Variants in EPHA6 observed in about 807,000 individuals in gnomAD.
EPHA6 encodes ephrin type-A receptor 6.
Under a neutral mutation model 112.0 loss-of-function variants are expected in EPHA6, and 50 were observed. The ratio of observed to expected loss-of-function variants is 0.45; its 90% CI spans 0.36 to 0.56. EPHA6 has a LOEUF of 0.56. Ranked by LOEUF, EPHA6 falls within the 20% of genes least tolerant of loss-of-function variation. The pLI, the probability that EPHA6 is intolerant of heterozygous loss-of-function variation, is 0.00. For missense variants in EPHA6, 1,280 were observed against 1,417.4 expected (o/e 0.90, Z 1.56); for synonymous variants, 529 against 490.7 (o/e 1.08, Z -1.03).
chr3:97,371,288 G>C (rs1017099754), intron 5 of EPHA6, among the ~76,000 whole-genome samples: 1 of 152,094 alleles, frequency 6.6e-6, no homozygotes, highest in Non-Finnish European at 1.5e-5. Context: ...GGGGTGTTAC[G>C]GGAAGTCAGG....
intron 12 of EPHA6, among the ~76,000 whole-genome samples, chr3:97,595,331 G>A (rs900974227): frequency 6.6e-6 from 1 of 152,168 alleles, no homozygotes; most frequent in African/African-American, 2.4e-5. Flanking sequence ...CATTTGTGTA[G>A]TAGTCACCGA....
At chr3:97,183,871 C>A (rs1338782736) in intron 3 of EPHA6, among the ~76,000 whole-genome samples, 1 of 152,018 alleles carries the variant, frequency 6.6e-6, no homozygotes, top group Non-Finnish European at 1.5e-5. Context: ...GCTGATATGC[C>A]TTTTACAGCA....
intron 3 of EPHA6, among the ~76,000 whole-genome samples, chr3:97,069,795 G>A (rs929935944): frequency 1.1e-4 from 17 of 152,050 alleles, no homozygotes; most frequent in African/African-American, 3.6e-4. Flanking sequence ...AACATTTAAA[G>A]CAGTTACTAA....
At chr3:97,665,931 C>A (rs1363650018) in intron 14 of EPHA6, among the ~76,000 whole-genome samples, 1 of 152,074 alleles carries the variant, frequency 6.6e-6, no homozygotes, top group Non-Finnish European at 1.5e-5. Flanking sequence ...AGAGTGTGTG[C>A]CTGTAATCCC....
rs553328252 is a variant in EPHA6 at position 97,505,994 on chromosome 3, A to G, written c.2200+21935A>G. ...GCCACATAAATGTCTTCTTTTGAGA[A>G]GTGTCTGTTCATATCCTTTGCCCAC... On this transcript the variant is annotated intron_variant, in intron 10 of 17. Transcript: ENST00000389672. Among the ~76,000 whole-genome samples, 44 of 152,076 alleles carry G rather than the reference A, an allele frequency of 2.9e-4. No homozygotes were observed. In the South Asian group the frequency reaches 8.9e-3, roughly 31 times the overall value.
At chr3:97,295,903 C>T (rs1267034813) in intron 5 of EPHA6, among the ~76,000 whole-genome samples, 1 of 152,116 alleles carries the variant, frequency 6.6e-6, no homozygotes, top group African/African-American at 2.4e-5. Context: ...GTTCAGGCCC[C>T]AGTGGTGGCA....
chr3:97,536,433 A>G (rs1276244417), intron 11 of EPHA6, among the ~76,000 whole-genome samples: 1 of 152,206 alleles, frequency 6.6e-6, no homozygotes, highest in East Asian at 1.9e-4. Flanking sequence ...TCTAAAATAA[A>G]TCCTAAATCC....
chr3:97,150,823 A>G (rs996861740), intron 3 of EPHA6, among the ~76,000 whole-genome samples: 5 of 151,926 alleles, frequency 3.3e-5, no homozygotes, highest in African/African-American at 1.2e-4. Flanking sequence ...AATCTCTTTA[A>G]TTCTTCATAA....
intron 3 of EPHA6, among the ~76,000 whole-genome samples, chr3:97,125,577 C>T (rs1212427444): frequency 6.6e-6 from 1 of 152,006 alleles, no homozygotes; most frequent in African/African-American, 2.4e-5. Context: ...ACAATTAAAG[C>T]AGATTATTTT....
chr3:96,845,363 A>C (rs1194409440), intron 1 of EPHA6, among the ~76,000 whole-genome samples: 2 of 151,996 alleles, frequency 1.3e-5, no homozygotes, highest in African/African-American at 4.8e-5. Flanking sequence ...ATTAACTTTT[A>C]TTCAGCAGTG....
intron 3 of EPHA6, among the ~76,000 whole-genome samples, chr3:97,131,012 C>T (rs939096561): frequency 1.3e-5 from 2 of 151,982 alleles, no homozygotes. Context: ...TTTCATTATT[C>T]CATCAGGAAA....
chr3:96,970,589 C>A (rs1035992756), intron 2 of EPHA6, among the ~76,000 whole-genome samples: 2 of 152,032 alleles, frequency 1.3e-5, no homozygotes, highest in Admixed American at 6.6e-5. Flanking sequence ...ATAATTTAAG[C>A]TTTCTTATTA....
intron 3 of EPHA6, among the ~76,000 whole-genome samples, chr3:97,147,583 C>A (rs762089891): frequency 6.6e-6 from 1 of 151,988 alleles, no homozygotes; most frequent in Non-Finnish European, 1.5e-5. Flanking sequence ...CAATGTCCTC[C>A]TTTTAGTAAA....
rs549995762 is a variant in EPHA6 at position 96,941,615 on chromosome 3, G to A, written c.451-45715G>A. Among the ~76,000 whole-genome samples, 141 of 152,302 alleles carry A rather than the reference G, an allele frequency of 9.3e-4. 1 individual carries two copies. The highest frequency in any genetic ancestry group is 3.4e-3 in the Middle Eastern group (1 of 294). ...TCTCAACTCGTCAAAGTCATTCTCC[G>A]TCCAGCTTTGTTCCATTGCTGGTGA... On this transcript the variant is annotated intron_variant, in intron 2 of 17. Coordinates refer to ENST00000389672, the MANE Select transcript of EPHA6 (RefSeq NM_001080448.3).
intron 7 of EPHA6, among the ~76,000 whole-genome samples, chr3:97,452,638 G>A (rs998346385): frequency 1.3e-5 from 2 of 151,608 alleles, no homozygotes; most frequent in Non-Finnish European, 1.5e-5. Flanking sequence ...AAGAAAGTAA[G>A]AATATAAAAA....
chr3:97,462,932 A>AGAGC (rs1025152430), intron 7 of EPHA6, among the ~76,000 whole-genome samples: 3 of 152,120 alleles, frequency 2.0e-5, no homozygotes, highest in African/African-American at 7.2e-5. Flanking sequence ...TCTGTGCTGC[A>AGAGC]GCTCAGAATG....
At chr3:97,046,768 A>C (rs1321492772) in intron 3 of EPHA6, among the ~76,000 whole-genome samples, 1 of 152,146 alleles carries the variant, frequency 6.6e-6, no homozygotes, top group Non-Finnish European at 1.5e-5. Flanking sequence ...TAATATCATT[A>C]AAAAGCATAG....
At chr3:97,578,988 CT>C (rs1464782518) in intron 11 of EPHA6, among the ~76,000 whole-genome samples, 1 of 152,022 alleles carries the variant, frequency 6.6e-6, no homozygotes, top group Non-Finnish European at 1.5e-5. Flanking sequence ...AATTAATCTC[CT>C]CTTCATTTTT....
At chr3:97,073,979 A>G (rs1218532696) in intron 3 of EPHA6, among the ~76,000 whole-genome samples, 1 of 151,952 alleles carries the variant, frequency 6.6e-6, no homozygotes, top group Non-Finnish European at 1.5e-5. Context: ...TTAATATTTT[A>G]TGAATTGCCT....
Sources: gnomAD v4.1 joint callset for allele counts (sites outside exome capture counted in the v4.1 genomes callset) on GRCh38, gnomAD v4.1.1 for gene constraint, MANE v1.5 for transcripts, NCBI Gene and HGNC (gene_info 2026-07-23, HGNC 2026-07-21) for gene names.